Variants in ZNF423 observed in about 807,000 individuals in gnomAD.
ZNF423 encodes the protein zinc finger protein 423.
ZNF423 carries 12 observed loss-of-function variants against 95.8 expected under a neutral mutation model. The ratio of observed to expected loss-of-function variants is 0.13; its 90% confidence interval spans 0.08 to 0.20. ZNF423 has a LOEUF of 0.20. Ranked by LOEUF, ZNF423 falls within the 10% of genes least tolerant of loss-of-function variation. The pLI, the probability that ZNF423 is intolerant of heterozygous loss-of-function variation, is 1.00. For missense variants in ZNF423, 1,316 were observed against 1,737.1 expected (o/e 0.76, Z 4.31); for synonymous variants, 749 against 711.9 (o/e 1.05, Z -0.83).
intron 3 of ZNF423, among the ~76,000 whole-genome samples, chr16:49,725,980 G>A (rs1231414287): frequency 6.6e-6 from 1 of 152,232 alleles, no homozygotes; most frequent in Non-Finnish European, 1.5e-5. Context: ...CAAGGCAAGT[G>A]CCTGGAGCCC....
intron 7 of ZNF423, among the ~76,000 whole-genome samples, chr16:49,499,398 G>C (rs554565920): frequency 2.6e-5 from 4 of 152,234 alleles, no homozygotes; most frequent in Non-Finnish European, 5.9e-5. Context: ...CGGAACTCCC[G>C]GCCTAGAGGG....
At chr16:49,759,385 C>T (rs997282369) in intron 2 of ZNF423, among the ~76,000 whole-genome samples, 5 of 150,846 alleles carry the variant, frequency 3.3e-5, no homozygotes, top group East Asian at 2.0e-4. Flanking sequence ...GGTGACAGGG[C>T]GAGACGCCAC....
At chr16:49,565,510 A>G (rs1970159211) in intron 5 of ZNF423, among the ~76,000 whole-genome samples, 1 of 152,142 alleles carries the variant, frequency 6.6e-6, no homozygotes, top group Non-Finnish European at 1.5e-5. Flanking sequence ...GATTCTCAGT[A>G]AGAGAAAGGG....
At chr16:49,695,804 T>A (rs2031948818) in intron 3 of ZNF423, among the ~76,000 whole-genome samples, 1 of 152,338 alleles carries the variant, frequency 6.6e-6, no homozygotes, top group East Asian at 1.9e-4. Context: ...TGGACTGGAA[T>A]CCAGACTAGA....
At chr16:49,780,916 G>A (rs941663649) in intron 2 of ZNF423, among the ~76,000 whole-genome samples, 2 of 152,220 alleles carry the variant, frequency 1.3e-5, no homozygotes, top group East Asian at 3.9e-4. Flanking sequence ...TCCTCATCAA[G>A]AAGATGATTG....
At chr16:49,804,732 T>C (rs557546232) in intron 1 of ZNF423, among the ~76,000 whole-genome samples, 1 of 152,122 alleles carries the variant, frequency 6.6e-6, no homozygotes, top group African/African-American at 2.4e-5. Context: ...CAATCCACCA[T>C]ATTTTGCTGT....
chr16:49,747,032 G>A (rs909216889), intron 2 of ZNF423, among the ~76,000 whole-genome samples: 9 of 152,150 alleles, frequency 5.9e-5, no homozygotes, highest in Non-Finnish European at 8.8e-5. Context: ...AGAGCAGAGC[G>A]GGCAGACAGA....
chr16:49,570,857 C>T (rs922619957), intron 5 of ZNF423, among the ~76,000 whole-genome samples: 2 of 152,200 alleles, frequency 1.3e-5, no homozygotes, highest in Non-Finnish European at 2.9e-5. Context: ...AGAAGGCCAC[C>T]CCCAGCACAA....
chr16:49,614,853 G>A (rs1478779638), intron 5 of ZNF423, among the ~76,000 whole-genome samples: 1 of 152,188 alleles, frequency 6.6e-6, no homozygotes, highest in African/African-American at 2.4e-5. Flanking sequence ...GGAATGGATA[G>A]GGAGCAGTGG....
At chr16:49,756,497 G>A (rs576245412) in intron 2 of ZNF423, among the ~76,000 whole-genome samples, 11 of 152,262 alleles carry the variant, frequency 7.2e-5, no homozygotes, top group East Asian at 1.9e-4. Context: ...ACCCCTCCCC[G>A]GAGTTCCAAC....
chr16:49,672,801 G>C (rs561036821), intron 3 of ZNF423, among the ~76,000 whole-genome samples: 1 of 152,294 alleles, frequency 6.6e-6, no homozygotes, highest in Admixed American at 6.5e-5. Context: ...CTGGGCGACA[G>C]AGTGAAACTC....
At chr16:49,701,007 T>A (rs754791469) in intron 3 of ZNF423, among the ~76,000 whole-genome samples, 5 of 152,200 alleles carry the variant, frequency 3.3e-5, no homozygotes, top group Non-Finnish European at 5.9e-5. Flanking sequence ...CTGCTGTAAG[T>A]TAGCTCTCTC....
intron 7 of ZNF423, among the ~76,000 whole-genome samples, chr16:49,504,548 C>T (rs1967554871): frequency 6.6e-6 from 1 of 152,204 alleles, no homozygotes; most frequent in East Asian, 1.9e-4. Flanking sequence ...TGCCACTGCA[C>T]TCCAGCCTGG....
intron 3 of ZNF423, among the ~76,000 whole-genome samples, chr16:49,679,719 AG>A (rs1308211553): frequency 1.3e-5 from 2 of 152,248 alleles, no homozygotes; most frequent in Non-Finnish European, 2.9e-5. Flanking sequence ...GGAAGCAGAC[AG>A]GCTCCTGAGC....
At chr16:49,633,767 C>T (rs1052772865) in intron 4 of ZNF423, among the ~76,000 whole-genome samples, 2 of 152,162 alleles carry the variant, frequency 1.3e-5, no homozygotes, top group African/African-American at 4.8e-5. Context: ...CTGTTTAGAA[C>T]CCTGGCTCAG....
chr16:49,509,641 T>C (rs1967800047), intron 7 of ZNF423, among the ~76,000 whole-genome samples: 1 of 152,030 alleles, frequency 6.6e-6, no homozygotes, highest in Non-Finnish European at 1.5e-5. Context: ...TGGTCTCTCG[T>C]TGATGGGGGC....
At chr16:49,841,771 C>T (rs2035184710) in intron 1 of ZNF423, among the ~76,000 whole-genome samples, 1 of 152,256 alleles carries the variant, frequency 6.6e-6, no homozygotes, top group Non-Finnish European at 1.5e-5. Context: ...TCTGCGTTCT[C>T]TCTGCATCTT....
intron 2 of ZNF423, among the ~76,000 whole-genome samples, chr16:49,785,422 T>G (rs1044930979): frequency 2.0e-5 from 3 of 152,236 alleles, no homozygotes; most frequent in Non-Finnish European, 4.4e-5. Flanking sequence ...CTAAGTTGAC[T>G]GTAGTAATGG....
intron 3 of ZNF423, among the ~76,000 whole-genome samples, chr16:49,675,927 G>A (rs903374622): frequency 6.6e-6 from 1 of 152,320 alleles, no homozygotes; most frequent in African/African-American, 2.4e-5. Flanking sequence ...ACAACACTGT[G>A]CAGAGGTGTG....
Sources: gnomAD v4.1 joint callset for allele counts (sites outside exome capture counted in the v4.1 genomes callset) on GRCh38, gnomAD v4.1.1 for gene constraint, MANE v1.5 for transcripts, NCBI Gene and HGNC (gene_info 2026-07-23, HGNC 2026-07-21) for gene names.